Variants in CLSTN2 observed in about 807,000 individuals in gnomAD.
The protein encoded by CLSTN2 is calsyntenin-2.
A neutral mutation model predicts 101.2 loss-of-function variants in CLSTN2; 48 were observed. The ratio of observed to expected loss-of-function variants is 0.47; its 90% CI spans 0.38 to 0.60. CLSTN2 has a LOEUF of 0.60. Among genes scored for constraint, CLSTN2 ranks in the 20% least tolerant of loss-of-function variants. The pLI, the probability that CLSTN2 is intolerant of heterozygous loss-of-function variation, is 0.00. For missense variants in CLSTN2, 1,160 were observed against 1,238.2 expected (o/e 0.94, Z 0.95); for synonymous variants, 481 against 463.6 (o/e 1.04, Z -0.48).
chr3:140,317,378 A>C (rs2087239983), intron 2 of CLSTN2, among the ~76,000 whole-genome samples: 1 of 152,108 alleles, frequency 6.6e-6, no homozygotes, highest in African/African-American at 2.4e-5. Context: ...AGAAGTAGGG[A>C]GTGAGTCTTC....
At chr3:140,226,821 T>C (rs1356394908) in intron 2 of CLSTN2, among the ~76,000 whole-genome samples, 1 of 152,128 alleles carries the variant, frequency 6.6e-6, no homozygotes, top group East Asian at 1.9e-4. Context: ...CTTATATGGA[T>C]GGCAGCAAAG....
At position 140,529,974 on chromosome 3, in the gene CLSTN2, T is replaced by G. The variant is rs372193893; in HGVS notation, c.1345-2350T>G. Among the ~76,000 whole-genome samples, 5 of 152,094 alleles carry G rather than the reference T, an allele frequency of 3.3e-5. No homozygotes were observed. In the South Asian group the frequency reaches 1.0e-3, roughly 32 times the overall value. On this transcript the variant is annotated intron_variant, in intron 8 of 16. Coordinates refer to ENST00000458420, the MANE Select transcript of CLSTN2 (RefSeq NM_022131.3). ...CATAAGCTCTCTTAACCTCTGTGAG[T>G]AGGAGTATAAATAGGCGTAACCTTT...
chr3:140,196,502 G>A (rs911853956), intron 2 of CLSTN2, among the ~76,000 whole-genome samples: 1 of 152,230 alleles, frequency 6.6e-6, no homozygotes, highest in African/African-American at 2.4e-5. Context: ...TTCCAGGGGA[G>A]AAAGAAGTCA....
chr3:140,443,939 A>G (rs1933019863), intron 5 of CLSTN2, among the ~76,000 whole-genome samples: 1 of 152,228 alleles, frequency 6.6e-6, no homozygotes, highest in Non-Finnish European at 1.5e-5. Flanking sequence ...GGATTTCTGC[A>G]GTCTTCAGTG....
At chr3:140,265,909 T>G (rs752274035) in intron 2 of CLSTN2, among the ~76,000 whole-genome samples, 1 of 152,168 alleles carries the variant, frequency 6.6e-6, no homozygotes, top group Non-Finnish European at 1.5e-5. Context: ...ATCCCTGCAC[T>G]GGGAAAATGA....
chr3:140,260,487 G>A (rs1300430384), intron 2 of CLSTN2, among the ~76,000 whole-genome samples: 4 of 151,938 alleles, frequency 2.6e-5, no homozygotes, highest in Admixed American at 2.0e-4. Context: ...AATATAAAAA[G>A]TTATATGGTT....
chr3:140,391,669 G>GT (rs1385064830), intron 2 of CLSTN2, among the ~76,000 whole-genome samples: 1 of 151,814 alleles, frequency 6.6e-6, no homozygotes, highest in African/African-American at 2.4e-5. Context: ...ACAATATTAA[G>GT]TTTTTTTAAG....
chr3:140,358,167 C>T (rs957985909), intron 2 of CLSTN2, among the ~76,000 whole-genome samples: 2 of 152,144 alleles, frequency 1.3e-5, no homozygotes, highest in Non-Finnish European at 2.9e-5. Flanking sequence ...GTGAATCCTG[C>T]CTCTCCAGTC....
chr3:140,225,928 G>A (rs1194289614), intron 2 of CLSTN2, among the ~76,000 whole-genome samples: 1 of 150,154 alleles, frequency 6.7e-6, no homozygotes, highest in Non-Finnish European at 1.5e-5. Flanking sequence ...AAAAAAAAAA[G>A]GACTCTAAAA....
At chr3:140,426,893 G>A (rs1378759302) in intron 5 of CLSTN2, among the ~76,000 whole-genome samples, 1 of 152,078 alleles carries the variant, frequency 6.6e-6, no homozygotes, top group Non-Finnish European at 1.5e-5. Flanking sequence ...GAGAGAATGG[G>A]GCTGGGCGCA....
intron 3 of CLSTN2, among the ~76,000 whole-genome samples, 197 bp downstream of exon 3, chr3:140,404,021 T>A (rs1426064411): frequency 1.3e-5 from 2 of 152,216 alleles, no homozygotes; most frequent in East Asian, 1.9e-4. Flanking sequence ...TTCTACTCCC[T>A]CTTCTTCACT....
In CLSTN2 at chr3:140,081,401, C is replaced by T. The variant is rs180713284; in HGVS notation, c.110-94550C>T. ...CTTTTGCATGTTTGTCATTAGTATT[C>T]TGCGTGAAAAGTTAAACACTTGAAA... On this transcript the variant is annotated intron_variant, in intron 1 of 16. Transcript: ENST00000458420. Among the ~76,000 whole-genome samples the T allele has an allele frequency of 3.9e-3, 588 of 152,292 alleles. 10 individuals are homozygous for T. Among genetic ancestry groups the T allele is most frequent in the Admixed American group, 0.037 (561 of 15,298 alleles).
chr3:139,972,898 G>T (rs1015596872), intron 1 of CLSTN2, among the ~76,000 whole-genome samples: 2 of 152,194 alleles, frequency 1.3e-5, no homozygotes, highest in Non-Finnish European at 2.9e-5. Context: ...AGACAGAAAT[G>T]GCCCTCCAGC....
At chr3:140,269,905 A>G (rs1215721545) in intron 2 of CLSTN2, among the ~76,000 whole-genome samples, 1 of 152,032 alleles carries the variant, frequency 6.6e-6, no homozygotes, top group East Asian at 1.9e-4. Context: ...TCATAACTAC[A>G]CTTATCTCAG....
intron 2 of CLSTN2, among the ~76,000 whole-genome samples, chr3:140,314,188 C>G (rs981575104): frequency 3.3e-5 from 5 of 152,192 alleles, no homozygotes; most frequent in African/African-American, 1.2e-4. Flanking sequence ...TAACTATCCT[C>G]AAAGCCAAGC....
At chr3:140,255,979 A>G (rs547551636) in intron 2 of CLSTN2, among the ~76,000 whole-genome samples, 42 of 152,290 alleles carry the variant, frequency 2.8e-4, no homozygotes, top group African/African-American at 9.6e-4. Context: ...ACGATCCTCA[A>G]ATGCTGAATC....
chr3:140,473,467 G>T (rs12639449), intron 8 of CLSTN2, among the ~76,000 whole-genome samples: 2 of 152,132 alleles, frequency 1.3e-5, no homozygotes, highest in African/African-American at 4.8e-5. Context: ...TCTTATGGGC[G>T]CAATATAATA....
intron 8 of CLSTN2, among the ~76,000 whole-genome samples, chr3:140,528,423 G>A (rs1199535058): frequency 6.6e-6 from 1 of 152,128 alleles, no homozygotes; most frequent in Non-Finnish European, 1.5e-5. Context: ...TACCTCAACA[G>A]GGTTAACATG....
intron 1 of CLSTN2, among the ~76,000 whole-genome samples, chr3:140,114,453 T>C (rs1476513531): frequency 6.6e-6 from 1 of 152,106 alleles, no homozygotes; most frequent in Non-Finnish European, 1.5e-5. Flanking sequence ...GCCTGTAAGT[T>C]CTTGGGCAAC....
Sources: allele counts gnomAD v4.1 joint callset (sites outside exome capture counted in the v4.1 genomes callset), GRCh38; gene constraint gnomAD v4.1.1; transcripts MANE v1.5; gene names NCBI Gene and HGNC (gene_info 2026-07-23, HGNC 2026-07-21).